Variants in MARCHF4 observed in about 807,000 individuals in gnomAD.
MARCHF4 encodes E3 ubiquitin-protein ligase MARCHF4.
A neutral mutation model predicts 43.9 loss-of-function variants in MARCHF4; 14 were observed. The observed-to-expected ratio is 0.32, with a 90% CI of 0.21 to 0.50. The LOEUF (loss-of-function observed/expected upper bound fraction) is 0.50. MARCHF4 is among the 20% of genes least tolerant of loss of function. The pLI is 0.98. For synonymous variants in MARCHF4, 226 were observed against 213.3 expected, an observed-to-expected ratio of 1.06 and a Z score of -0.52; for missense variants, 468 against 536.7, an observed-to-expected ratio of 0.87 and a Z score of 1.27.
intron 1 of MARCHF4, among the ~76,000 whole-genome samples, chr2:216,318,331 G>C (rs1265450131): frequency 6.6e-6 from 1 of 152,234 alleles, no homozygotes; most frequent in Non-Finnish European, 1.5e-5. Flanking sequence ...GCCAACTGCT[G>C]TAGGGGACGG....
chr2:216,310,386 C>A (rs986194641), intron 1 of MARCHF4, among the ~76,000 whole-genome samples: 1 of 152,076 alleles, frequency 6.6e-6, no homozygotes, highest in South Asian at 2.1e-4. Flanking sequence ...CTCAGCCTCC[C>A]GAGTAGCTGG....
At chr2:216,319,795 A>C (rs530685115) in intron 1 of MARCHF4, among the ~76,000 whole-genome samples, 1 of 152,130 alleles carries the variant, frequency 6.6e-6, no homozygotes, top group Non-Finnish European at 1.5e-5. Flanking sequence ...CCGTCACTCA[A>C]ACTGCCTCCT....
intron 3 of MARCHF4, among the ~76,000 whole-genome samples, chr2:216,263,509 G>GAGAA (rs1484829993): frequency 1.0e-4 from 4 of 39,486 alleles, no homozygotes; most frequent in South Asian, 6.1e-4. Flanking sequence ...GAGAGAGAGA[G>GAGAA]AGAGAGAGAG....
At chr2:216,284,222 G>C (rs73064440) in intron 1 of MARCHF4, among the ~76,000 whole-genome samples, 12,052 of 151,330 alleles carry the variant, frequency 0.08, 1,567 homozygotes, top group African/African-American at 0.28. Flanking sequence ...TAGATGTGGG[G>C]ATCTAGGAGG....
intron 3 of MARCHF4, among the ~76,000 whole-genome samples, chr2:216,260,448 T>A (rs1158109651): frequency 6.6e-6 from 1 of 151,956 alleles, no homozygotes; most frequent in East Asian, 1.9e-4. Flanking sequence ...TTAGCAAGGG[T>A]GGTGGGAAAG....
At chr2:216,312,595 A>C (rs758778098) in intron 1 of MARCHF4, among the ~76,000 whole-genome samples, 2 of 152,172 alleles carry the variant, frequency 1.3e-5, no homozygotes, top group Non-Finnish European at 2.9e-5. Context: ...CTAGTATAAT[A>C]TGATATCTCA....
chr2:216,308,707 G>C (rs1188640360), intron 1 of MARCHF4, among the ~76,000 whole-genome samples: 1 of 152,142 alleles, frequency 6.6e-6, no homozygotes, highest in East Asian at 1.9e-4. Context: ...ACTGATACAG[G>C]AACCCAGACT....
intron 1 of MARCHF4, among the ~76,000 whole-genome samples, chr2:216,299,648 T>A (rs1433381995): frequency 1.3e-5 from 2 of 152,256 alleles, no homozygotes; most frequent in Non-Finnish European, 2.9e-5. Context: ...ATCAGACAAC[T>A]TCTGGCTCCG....
At chr2:216,346,319 A>AC (rs1192647576) in intron 1 of MARCHF4, among the ~76,000 whole-genome samples, 32 of 130,920 alleles carry the variant, frequency 2.4e-4, no homozygotes, top group Non-Finnish European at 1.6e-5. Context: ...GGTACCCACC[A>AC]CCCCCTCATG....
chr2:216,295,540 G>T (rs1367767148), intron 1 of MARCHF4, among the ~76,000 whole-genome samples: 2 of 152,216 alleles, frequency 1.3e-5, no homozygotes, highest in Admixed American at 1.3e-4. Context: ...GAAACCTAGG[G>T]AGTGTTTATT....
chr2:216,278,713 A>C (rs995997245), intron 2 of MARCHF4, among the ~76,000 whole-genome samples: 35 of 152,330 alleles, frequency 2.3e-4, no homozygotes, highest in African/African-American at 7.2e-4. Flanking sequence ...GGGAGAGAGA[A>C]GAAAGGCAGC....
At chr2:216,285,115 A>T (rs1286311598) in intron 1 of MARCHF4, among the ~76,000 whole-genome samples, 1 of 152,162 alleles carries the variant, frequency 6.6e-6, no homozygotes, top group Non-Finnish European at 1.5e-5. Flanking sequence ...CCAAGCCCTA[A>T]ATAAGTTTTC....
intron 1 of MARCHF4, among the ~76,000 whole-genome samples, chr2:216,356,977 C>A (rs901590325): frequency 6.6e-6 from 1 of 151,474 alleles, no homozygotes; most frequent in Non-Finnish European, 1.5e-5. Flanking sequence ...GAGCTGAGAT[C>A]GTGCCACTGC....
intron 1 of MARCHF4, among the ~76,000 whole-genome samples, chr2:216,334,073 C>T (rs1344280618): frequency 6.6e-6 from 1 of 151,924 alleles, no homozygotes; most frequent in Non-Finnish European, 1.5e-5. Context: ...ATATGTTACA[C>T]TGCATGACAA....
intron 1 of MARCHF4, among the ~76,000 whole-genome samples, chr2:216,297,147 G>C (rs555554580): frequency 6.6e-6 from 1 of 152,210 alleles, no homozygotes; most frequent in Non-Finnish European, 1.5e-5. Context: ...CTTCTGCTAA[G>C]CTGCTCCAAG....
At chr2:216,268,539 G>A (rs1246585494) in intron 3 of MARCHF4, among the ~76,000 whole-genome samples, 2 of 152,182 alleles carry the variant, frequency 1.3e-5, no homozygotes. Context: ...TTGTGAAGAA[G>A]GTGCCTCCTT....
chr2:216,334,701 G>C (rs539107333), intron 1 of MARCHF4, among the ~76,000 whole-genome samples: 4 of 152,234 alleles, frequency 2.6e-5, no homozygotes, highest in African/African-American at 9.6e-5. Flanking sequence ...AGTGCGCCTG[G>C]CCTAAAGCTG....
chr2:216,297,617 A>G (rs1204234926), intron 1 of MARCHF4, among the ~76,000 whole-genome samples: 3 of 152,124 alleles, frequency 2.0e-5, no homozygotes, highest in African/African-American at 7.2e-5. Flanking sequence ...GGGTTCAAGC[A>G]ATTCTTTTGC....
At chr2:216,322,384 T>C (rs1165259990) in intron 1 of MARCHF4, among the ~76,000 whole-genome samples, 1 of 152,234 alleles carries the variant, frequency 6.6e-6, no homozygotes, top group African/African-American at 2.4e-5. Flanking sequence ...TTCTGGTTTA[T>C]AGCAAATGTT....
Sources: gnomAD v4.1 joint callset for allele counts (sites outside exome capture counted in the v4.1 genomes callset) on GRCh38, gnomAD v4.1.1 for gene constraint, MANE v1.5 for transcripts, NCBI Gene and HGNC (gene_info 2026-07-23, HGNC 2026-07-21) for gene names.